KCNMB2: variants seen among roughly 807,000 people sequenced by gnomAD.
The protein encoded by KCNMB2 is potassium calcium-activated channel subfamily M regulatory beta subunit 2, also known as calcium-activated potassium channel subunit beta-2.
KCNMB2 carries 9 observed loss-of-function variants against 24.5 expected under a neutral mutation model. That is an observed-to-expected ratio of 0.37 (90% CI 0.22 to 0.64). The LOEUF (loss-of-function observed/expected upper bound fraction) is 0.64. KCNMB2 is among the 30% of genes least tolerant of loss of function. KCNMB2 has a pLI of 0.63. For missense variants in KCNMB2, 226 were observed against 284.3 expected (o/e 0.79, Z 1.47); for synonymous variants, 109 against 104.4 (o/e 1.04, Z -0.27).
At chr3:178,722,568 A>G (rs1213322107) in intron 1 of KCNMB2, among the ~76,000 whole-genome samples, 1 of 152,146 alleles carries the variant, frequency 6.6e-6, no homozygotes, top group Non-Finnish European at 1.5e-5. Flanking sequence ...ATTCATGAGA[A>G]TTCTGCCCTC....
intron 1 of KCNMB2, among the ~76,000 whole-genome samples, chr3:178,649,946 C>T (rs11919809): frequency 0.52 from 78,783 of 151,888 alleles, 21,129 homozygotes; most frequent in African/African-American, 0.67. Context: ...GGGTATTGAT[C>T]TTAGATCTTT....
chr3:178,794,513 T>G (rs1295858411), intron 1 of KCNMB2, among the ~76,000 whole-genome samples: 1 of 152,212 alleles, frequency 6.6e-6, no homozygotes, highest in Non-Finnish European at 1.5e-5. Flanking sequence ...TCCCTGTCGT[T>G]GTCACTGTGG....
intron 1 of KCNMB2, among the ~76,000 whole-genome samples, chr3:178,631,485 G>GC (rs1467816910): frequency 1.3e-5 from 2 of 152,256 alleles, no homozygotes; most frequent in Non-Finnish European, 2.9e-5. Flanking sequence ...CGCCTATGCG[G>GC]CTGGCATTCC....
chr3:178,570,052 T>A (rs1164621957), intron 1 of KCNMB2, among the ~76,000 whole-genome samples: 1 of 152,170 alleles, frequency 6.6e-6, no homozygotes, highest in Non-Finnish European at 1.5e-5. Flanking sequence ...GTTTTTCTTT[T>A]CTTTTGTTAG....
At chr3:178,821,263 G>T (rs149238243) in intron 2 of KCNMB2, among the ~76,000 whole-genome samples, 2 of 152,130 alleles carry the variant, frequency 1.3e-5, no homozygotes, top group South Asian at 2.1e-4. Flanking sequence ...ACATTACAAG[G>T]CTTCCTAGTA....
chr3:178,677,997 A>G (rs772691140), intron 1 of KCNMB2, among the ~76,000 whole-genome samples: 2 of 152,198 alleles, frequency 1.3e-5, no homozygotes, highest in Non-Finnish European at 2.9e-5. Flanking sequence ...AAGATAAAAG[A>G]AGGACACGAA....
intron 1 of KCNMB2, among the ~76,000 whole-genome samples, chr3:178,780,046 T>C (rs1298506746): frequency 8.1e-6 from 1 of 123,238 alleles, no homozygotes; most frequent in Non-Finnish European, 1.7e-5. Context: ...CAATTAGTTG[T>C]TTTTTTTAAA....
intron 2 of KCNMB2, among the ~76,000 whole-genome samples, chr3:178,810,083 A>G (rs1178858504): frequency 6.6e-6 from 1 of 151,894 alleles, no homozygotes; most frequent in Non-Finnish European, 1.5e-5. Flanking sequence ...TATGACTCAG[A>G]TTTTAAACTG....
At chr3:178,814,552 T>G (rs1714329399) in intron 2 of KCNMB2, among the ~76,000 whole-genome samples, 1 of 152,200 alleles carries the variant, frequency 6.6e-6, no homozygotes, top group South Asian at 2.1e-4. Context: ...TTGAGAAATC[T>G]CCACACTGCT....
At chr3:178,567,670 G>T (rs974389402) in intron 1 of KCNMB2, among the ~76,000 whole-genome samples, 5 of 151,932 alleles carry the variant, frequency 3.3e-5, no homozygotes, top group Non-Finnish European at 7.4e-5. Flanking sequence ...AGCAGCATGC[G>T]CCAGGACATT....
chr3:178,791,030 A>G (rs1713300940), intron 1 of KCNMB2, among the ~76,000 whole-genome samples: 1 of 152,210 alleles, frequency 6.6e-6, no homozygotes, highest in African/African-American at 2.4e-5. Context: ...GACTGCAAAA[A>G]CTATAATAAA....
intron 1 of KCNMB2, among the ~76,000 whole-genome samples, chr3:178,706,357 T>A (rs1722277485): frequency 6.6e-6 from 1 of 152,088 alleles, no homozygotes; most frequent in Admixed American, 6.6e-5. Flanking sequence ...ACAGCTGACA[T>A]TCCTTTTTGC....
chr3:178,736,796 T>C (rs1723332319), intron 1 of KCNMB2, among the ~76,000 whole-genome samples: 1 of 152,232 alleles, frequency 6.6e-6, no homozygotes, highest in Non-Finnish European at 1.5e-5. Flanking sequence ...TTTAAATTAA[T>C]TTAAGTACTG....
intron 1 of KCNMB2, among the ~76,000 whole-genome samples, chr3:178,705,254 G>A (rs1237116461): frequency 1.3e-5 from 2 of 152,016 alleles, no homozygotes; most frequent in Non-Finnish European, 2.9e-5. Context: ...AGTATTGATG[G>A]AGGGGTGATT....
chr3:178,806,749 G>A (rs1431485685), intron 1 of KCNMB2, among the ~76,000 whole-genome samples: 1 of 151,682 alleles, frequency 6.6e-6, no homozygotes, highest in Non-Finnish European at 1.5e-5. Flanking sequence ...CTTGACTCTA[G>A]AGCCTATAAA....
intron 2 of KCNMB2, among the ~76,000 whole-genome samples, chr3:178,821,713 T>C (rs1714631746): frequency 6.6e-6 from 1 of 152,126 alleles, no homozygotes; most frequent in South Asian, 2.1e-4. Flanking sequence ...AATCTCACCT[T>C]TCCACTCTCC....
chr3:178,755,925 T>A (rs945094127), intron 1 of KCNMB2, among the ~76,000 whole-genome samples: 4 of 151,888 alleles, frequency 2.6e-5, no homozygotes, highest in Admixed American at 2.0e-4. Flanking sequence ...AACACAACAA[T>A]GGAATGAGGA....
intron 1 of KCNMB2, among the ~76,000 whole-genome samples, chr3:178,689,173 C>T (rs908001004): frequency 5.3e-5 from 8 of 151,260 alleles, no homozygotes; most frequent in Admixed American, 5.3e-4. Context: ...TTGTGTCATT[C>T]TCTCCTCAAA....
rs140496174 is a variant in KCNMB2 at position 178,776,740 on chromosome 3, T to G, written c.-67-30603T>G. 2.5e-3 allele frequency among the ~76,000 whole-genome samples: 382 copies of G among 151,950 alleles called. 2 individuals carry two copies. The highest frequency in any genetic ancestry group is 8.8e-3 in the African/African-American group (363 of 41,440). On this transcript the variant is annotated intron_variant, in intron 1 of 4. Transcript: ENST00000452583. ...CACAGAATACATAAATAAAAGGAGG[T>G]GATAGTTTTGCCATCCTCAGAAGTA... is the stretch of plus-strand genomic sequence containing the variant.
Sources: allele counts gnomAD v4.1 joint callset (sites outside exome capture counted in the v4.1 genomes callset), GRCh38; gene constraint gnomAD v4.1.1; transcripts MANE v1.5; gene names NCBI Gene and HGNC (gene_info 2026-07-23, HGNC 2026-07-21).